EML5: variants seen among roughly 807,000 people sequenced by gnomAD.
EML5 encodes echinoderm microtubule-associated protein-like 5.
Under a neutral mutation model 250.0 loss-of-function variants are expected in EML5, and 120 were observed. The ratio of observed to expected loss-of-function variants is 0.48; its 90% CI spans 0.41 to 0.56. EML5 has a LOEUF of 0.56. Ranked by LOEUF, EML5 falls within the 20% of genes least tolerant of loss-of-function variation. The pLI, the probability that EML5 is intolerant of heterozygous loss-of-function variation, is 0.00. For missense variants in EML5, 2,006 were observed against 2,437.6 expected (o/e 0.82, Z 3.73); for synonymous variants, 771 against 806.5 (o/e 0.96, Z 0.75).
At chr14:88,665,200 C>G (rs979779077) in intron 22 of EML5, 137 bp downstream of exon 22, 2 of 903,984 alleles carry the variant, frequency 2.2e-6, no homozygotes, top group Non-Finnish European at 3.2e-6. Context: ...AGGGCTTTTA[C>G]CTCTTGCTAC....
At chr14:88,652,130 C>T (rs1567065355) in intron 27 of EML5, among the ~76,000 whole-genome samples, 1 of 152,152 alleles carries the variant, frequency 6.6e-6, no homozygotes, top group East Asian at 1.9e-4. Flanking sequence ...TGTACAAGTA[C>T]TTAGATTATG....
Position 88,694,406 on chromosome 14 carries a change from C to T in EML5, c.2440G>A (p.Gly814Arg). 1.3e-6 allele frequency: 2 copies of T among 1,554,114 alleles called. No homozygotes were observed. The highest frequency in any genetic ancestry group is 1.8e-6 in the Non-Finnish European group (2 of 1,142,560). The change falls in exon 17 of 44, where the codon GGA (glycine) becomes AGA (arginine). Residue 814 changes from glycine (G) to arginine (R), a missense_variant and splice_region_variant. This residue lies in a region of EML5 where 1,375 missense variants were observed against 1,590.3 expected (regional missense o/e 0.86). Coordinates refer to ENST00000554922, the MANE Select transcript of EML5 (RefSeq NM_183387.3). ...ACAACAAAAATCTTATCTTTACTTCCTCTGAAATAAACATCGAAATGTTTT... is the reference window on the plus strand; with the variant it reads ...ACAACAAAAATCTTATCTTTACTTCTTCTGAAATAAACATCGAAATGTTTT... ...KKGEKLSIAR[G>R]SKDKIFVVKM...
At chr14:88,782,162 C>T (rs550270399) in intron 1 of EML5, among the ~76,000 whole-genome samples, 6 of 152,118 alleles carry the variant, frequency 3.9e-5, no homozygotes, top group Non-Finnish European at 8.8e-5. Flanking sequence ...GAGGTGGTCT[C>T]AGATGGAGAA....
chr14:88,665,504 G>A lies in EML5; in HGVS notation c.3125-15C>T, dbSNP rs971625824. ...ACACCTCCCACCTGAAAGAGAAAGA[G>A]CATATTAGGCAATTTTCCCTTTTTT... On this transcript the variant is annotated splice_polypyrimidine_tract_variant and intron_variant, in intron 21 of 43. Coordinates refer to ENST00000554922, the MANE Select transcript of EML5 (RefSeq NM_183387.3). 2.5e-6 allele frequency: 4 copies of A among 1,612,842 alleles called. No homozygotes were observed. The highest frequency in any genetic ancestry group is 2.2e-5 in the East Asian group (1 of 44,868).
In EML5 at chr14:88,614,570, C is replaced by G. The variant is rs564506484; in HGVS notation, c.*1248G>C. ...ATAAAGATAATTAACACATTAAAAA[C>G]TCATAGGGTCAATACAGCATCTTAA... is the stretch of plus-strand genomic sequence containing the variant. On this transcript the variant is annotated 3_prime_UTR_variant, in exon 44 of 44. Transcript: ENST00000554922. The G allele has an allele frequency of 6.6e-6, 1 of 152,258 alleles. No individual in the cohort carries two copies. The highest frequency in any genetic ancestry group is 1.9e-4 in the East Asian group (1 of 5,186). 9.4% of individuals were successfully genotyped at this position (152,258 alleles called of 1,614,324 possible). A position where few individuals can be genotyped will look rare whatever the true frequency, so the allele number is the denominator to read the frequency against.
At chr14:88,690,703 G>A (rs966300614) in intron 17 of EML5, among the ~76,000 whole-genome samples, 2 of 152,176 alleles carry the variant, frequency 1.3e-5, no homozygotes, top group Middle Eastern at 3.2e-3. Flanking sequence ...TTAAGATGGC[G>A]AAATCACATC....
At position 88,696,909 on chromosome 14, in the gene EML5, A is replaced by G; in HGVS notation, c.2282T>C (p.Ile761Thr). 1 of 1,610,044 alleles carries G rather than the reference A, an allele frequency of 6.2e-7. No homozygotes were observed. The highest frequency in any genetic ancestry group is 1.1e-5 in the South Asian group (1 of 90,242). ...PSIHIWDTET[I>T]KPLSILKGHH... Reference sequence around the variant, plus strand: ...GCCCTTTAATATGGACAATGGTTTAATGGTCTCTGTATCCCATATATGAAT... The same window carrying G: ...GCCCTTTAATATGGACAATGGTTTAGTGGTCTCTGTATCCCATATATGAAT... Residue 761 changes from isoleucine to threonine, a missense_variant, in exon 15 of 44, where the codon ATT becomes ACT. Physicochemically the swap from Ile to Thr is moderately conservative, Grantham distance 89. Around this residue, in one of 7 missense-constraint regions of EML5, gnomAD observed 1,375 missense variants for 1,590.3 expected, o/e 0.86. Transcript: ENST00000554922.
rs73327323 is a variant in EML5, at chr14:88,691,652, T to G, written c.2539+2655A>C. Among the ~76,000 whole-genome samples the G allele has an allele frequency of 1.4e-3, 218 of 152,320 alleles. 2 individuals carry two copies. The highest frequency in any genetic ancestry group is 5.1e-3 in the African/African-American group (214 of 41,570). ...AAATTCTCAAAGCCTAGATCTGGAA[T>G]GGGAGGCAAGAAGCCCCATGTTAAC... On this transcript the variant is annotated intron_variant, in intron 17 of 43. Transcript: ENST00000554922.
At chr14:88,749,907 T>G (rs1463971300) in intron 2 of EML5, among the ~76,000 whole-genome samples, 3 of 152,120 alleles carry the variant, frequency 2.0e-5, no homozygotes, top group African/African-American at 7.2e-5. Flanking sequence ...CAACACATAC[T>G]GTGAAAAGTA....
At chr14:88,735,552 G>C (rs991812135) in intron 7 of EML5, among the ~76,000 whole-genome samples, 13 of 152,220 alleles carry the variant, frequency 8.5e-5, no homozygotes, top group Non-Finnish European at 1.5e-4. Context: ...TGTTAAGGGT[G>C]TGAGAAAACA....
At chr14:88,625,267 T>C (rs1198415150) in intron 35 of EML5, 140 bp from the exon 36 acceptor site, 22 of 987,792 alleles carry the variant, frequency 2.2e-5, no homozygotes, top group Middle Eastern at 6.7e-4. Flanking sequence ...CAGCACTGAA[T>C]TCACGAGTCA....
chr14:88,656,639 A>G (rs1268826371), intron 27 of EML5, among the ~76,000 whole-genome samples: 1 of 152,150 alleles, frequency 6.6e-6, no homozygotes, highest in African/African-American at 2.4e-5. Context: ...ATCTCTCCTC[A>G]TAAAATGGCC....
At chr14:88,773,334 C>T (rs1165602635) in intron 1 of EML5, among the ~76,000 whole-genome samples, 2 of 152,188 alleles carry the variant, frequency 1.3e-5, no homozygotes, top group East Asian at 3.8e-4. Context: ...TGAACAGATC[C>T]ACCAATAGAA....
chr14:88,769,408 G>T (rs1209458051), intron 1 of EML5, among the ~76,000 whole-genome samples: 5 of 152,126 alleles, frequency 3.3e-5, no homozygotes, highest in Non-Finnish European at 7.3e-5. Flanking sequence ...AGCAGAAACT[G>T]CTATGCTTCC....
intron 6 of EML5, among the ~76,000 whole-genome samples, chr14:88,736,970 TG>T (rs1232102727): frequency 1.3e-5 from 2 of 151,888 alleles, no homozygotes; most frequent in Non-Finnish European, 2.9e-5. Context: ...CACCTTTGGG[TG>T]GGGGGTTGGG....
At chr14:88,662,338 T>TG (rs1277789584) in intron 24 of EML5, among the ~76,000 whole-genome samples, 1 of 127,950 alleles carries the variant, frequency 7.8e-6, no homozygotes, top group Non-Finnish European at 1.6e-5. Context: ...CAATTTTTCT[T>TG]GTTTTTTTTT....
chr14:88,662,782 C>T (rs1019300928), intron 24 of EML5, among the ~76,000 whole-genome samples: 29 of 151,946 alleles, frequency 1.9e-4, no homozygotes, highest in Admixed American at 1.3e-4. Flanking sequence ...TGAGCACAAG[C>T]AATCTGCCTG....
At chr14:88,657,171 T>C (rs2091903871) in intron 27 of EML5, among the ~76,000 whole-genome samples, 1 of 152,108 alleles carries the variant, frequency 6.6e-6, no homozygotes, top group South Asian at 2.1e-4. Context: ...TTTTTATATT[T>C]CCATAGAGAC....
At position 88,729,349 on chromosome 14, in the gene EML5, C is replaced by T. The variant is rs575587944; in HGVS notation, c.1050-2671G>A. On this transcript the variant is annotated intron_variant, in intron 7 of 43. Coordinates refer to ENST00000554922, the MANE Select transcript of EML5 (RefSeq NM_183387.3). The stretch of plus-strand genomic sequence containing the variant: ...TTGCTGGTGACATTCTATGCTCTTA[C>T]CACAAGGGACAGCAAACCATGTCCT... Among the ~76,000 whole-genome samples, 3 of 152,264 alleles carry T rather than the reference C, an allele frequency of 2.0e-5. No homozygotes were observed. In the East Asian group the frequency reaches 5.8e-4, roughly 29 times the overall value.
Sources: allele counts gnomAD v4.1 joint callset (sites outside exome capture counted in the v4.1 genomes callset), GRCh38; gene constraint gnomAD v4.1.1; regional missense constraint gnomAD v4.1.1; transcripts MANE v1.5; gene names NCBI Gene and HGNC (gene_info 2026-07-23, HGNC 2026-07-21).